The following UNC80 variants were observed in gnomAD, a reference collection of about 807,000 sequenced individuals.
UNC80 encodes unc-80 subunit of NALCN channel complex, also known as protein unc-80 homolog.
UNC80 carries 164 observed loss-of-function variants against 384.6 expected under a neutral mutation model. The ratio of observed to expected loss-of-function variants is 0.43; its 90% confidence interval spans 0.38 to 0.49. The LOEUF (loss-of-function observed/expected upper bound fraction) is 0.49, where lower values mean the gene tolerates loss of function less well. Among genes scored for constraint, UNC80 ranks in the 20% least tolerant of loss-of-function variants. UNC80 has a pLI of 0.00. For synonymous variants in UNC80, 1,486 were observed against 1,527.8 expected (o/e 0.97, Z 0.64); for missense variants, 3,330 against 4,143.0 (o/e 0.80, Z 5.39).
At chr2:209,916,109 C>A (rs865949106) in intron 31 of UNC80, among the ~76,000 whole-genome samples, 6 of 151,904 alleles carry the variant, frequency 3.9e-5, no homozygotes, top group Non-Finnish European at 8.8e-5. Context: ...GACACTGAAA[C>A]TAAAGAGGAA....
At chr2:209,902,631 A>G (rs773791323) in intron 28 of UNC80, among the ~76,000 whole-genome samples, 2 of 152,060 alleles carry the variant, frequency 1.3e-5, no homozygotes, top group Non-Finnish European at 2.9e-5. Context: ...CAATATCAAG[A>G]CCCTCCACCA....
At chr2:209,923,403 T>G (rs1309956365) in intron 35 of UNC80, among the ~76,000 whole-genome samples, 10 of 152,176 alleles carry the variant, frequency 6.6e-5, no homozygotes, top group Non-Finnish European at 1.3e-4. Flanking sequence ...TTAATATGTG[T>G]TATGTTATGA....
At chr2:209,951,318 G>C (rs1042624579) in intron 47 of UNC80, 1 of 149,472 alleles carries the variant, frequency 6.7e-6, no homozygotes, top group Non-Finnish European at 1.5e-5. Flanking sequence ...TCTCTTTTGA[G>C]ATGGAATCTC....
chr2:209,818,330 C>A (rs1206912828), intron 11 of UNC80, among the ~76,000 whole-genome samples: 1 of 148,246 alleles, frequency 6.7e-6, no homozygotes, highest in Non-Finnish European at 1.5e-5. Context: ...CCTTCCAAGG[C>A]CACCAATTTT....
chr2:209,855,773 G>A lies in UNC80; in HGVS notation c.3627+6150G>A, dbSNP rs567993426. On this transcript the variant is annotated intron_variant, in intron 22 of 64. Coordinates refer to ENST00000673920, the MANE Select transcript of UNC80 (RefSeq NM_001371986.1). ...AGTCATGCTATCCTCTTTCTTATTT[G>A]TTTAACATTATGTTTGAGTTCCTCC... 2.6e-5 allele frequency among the ~76,000 whole-genome samples: 4 copies of A among 152,020 alleles called. No individual in the cohort carries two copies. The East Asian group carries it at 5.8e-4, about 22-fold the overall frequency.
chr2:209,793,819 T>C lies in UNC80; in HGVS notation c.898T>C (p.Ser300Pro). ...AGGAAACTCCTTTGATGGAAGTCTG[T>C]CCTCCCAAACTTCCCAGGAAAGAGG... ...HRGNSFDGSL[S>P]SQTSQERGPS... is the part of the protein sequence containing the mutation. The change falls in exon 7 of 65, where the codon TCC (serine) becomes CCC (proline). Residue 300 changes from serine (S) to proline (P), a missense_variant. Around this residue, in one of 8 missense-constraint regions of UNC80, gnomAD observed 937 missense variants for 1,026.8 expected, o/e 0.91. Transcript: ENST00000673920. The C allele has an allele frequency of 6.2e-7, 1 of 1,614,102 alleles. No individual in the cohort carries two copies. Among genetic ancestry groups the C allele is most frequent in the Non-Finnish European group, 8.5e-7 (1 of 1,179,966 alleles).
chr2:209,916,636 T>A (rs1203978664), intron 31 of UNC80, among the ~76,000 whole-genome samples: 1 of 152,192 alleles, frequency 6.6e-6, no homozygotes, highest in African/African-American at 2.4e-5. Context: ...TAACTAGCAT[T>A]TGTTATAGAA....
chr2:209,778,240 T>C (rs1187183971), intron 4 of UNC80, among the ~76,000 whole-genome samples: 2 of 152,036 alleles, frequency 1.3e-5, no homozygotes, highest in Non-Finnish European at 2.9e-5. Context: ...CCATCTCTAA[T>C]GAAAATACAA....
chr2:209,979,383 T>G (rs1029108760), intron 59 of UNC80, among the ~76,000 whole-genome samples: 1 of 152,216 alleles, frequency 6.6e-6, no homozygotes, highest in Non-Finnish European at 1.5e-5. Context: ...CTGGACATCT[T>G]GCTTAGAGGG....
chr2:209,924,212 A>G (rs1180620089), intron 35 of UNC80, among the ~76,000 whole-genome samples: 1 of 152,144 alleles, frequency 6.6e-6, no homozygotes, highest in African/African-American at 2.4e-5. Flanking sequence ...GACAATTTAA[A>G]TTATATAATG....
intron 61 of UNC80, among the ~76,000 whole-genome samples, chr2:209,987,490 G>A (rs1214091853): frequency 1.3e-5 from 2 of 152,156 alleles, no homozygotes; most frequent in Non-Finnish European, 2.9e-5. Context: ...CATTGTAGAT[G>A]TTCCTTCTCT....
At chr2:209,948,329 A>G (rs1293015929) in intron 47 of UNC80, among the ~76,000 whole-genome samples, 4 of 152,126 alleles carry the variant, frequency 2.6e-5, no homozygotes, top group Non-Finnish European at 4.4e-5. Flanking sequence ...TGGCCTCATC[A>G]ACACTTGTTA....
chr2:209,831,522 C>T lies in UNC80; in HGVS notation c.2706C>T (p.Ser902=), dbSNP rs373135227. ...AAAATGTGGAAGGCATTATCGTCAG[C>T]GCCATGTTTAAATCCCTCATCACAC... ...TAQNVEGIIV[S]AMFKSLITRC... Residue 902 remains serine, a synonymous_variant, in exon 16 of 65, where the codon AGC becomes AGT. Transcript: ENST00000673920. 44 of 1,551,212 alleles carry T rather than the reference C, an allele frequency of 2.8e-5. No individual in the cohort carries two copies. Among genetic ancestry groups the T allele is most frequent in the South Asian group, 8.3e-5 (7 of 84,030 alleles).
chr2:209,854,901 A>G (rs145934147), intron 22 of UNC80, among the ~76,000 whole-genome samples: 1,966 of 152,284 alleles, frequency 0.013, 47 homozygotes, highest in African/African-American at 0.043. Flanking sequence ...TTCCTTAAAG[A>G]CCTGGAACCA....
rs144985129 is a variant in UNC80 at position 209,986,091 on chromosome 2, A to G, written c.9314+1179A>G. 5.8e-3 allele frequency among the ~76,000 whole-genome samples: 885 copies of G among 152,342 alleles called. 9 individuals carry two copies. Among genetic ancestry groups the G allele is most frequent in the African/African-American group, 0.02 (844 of 41,572 alleles). The stretch of plus-strand genomic sequence containing the variant: ...TCCATTAGCAGGAGCTTTGGGGGCA[A>G]GGAGGAAGTTGAGAAACAAAACAGT... On this transcript the variant is annotated intron_variant, in intron 61 of 64. Coordinates refer to ENST00000673920, the MANE Select transcript of UNC80 (RefSeq NM_001371986.1).
chr2:209,870,440 G>A (rs1283949759), intron 22 of UNC80, among the ~76,000 whole-genome samples: 4 of 152,088 alleles, frequency 2.6e-5, no homozygotes, highest in African/African-American at 9.7e-5. Flanking sequence ...ATACTGCTGG[G>A]TTTAATGCAG....
At chr2:209,871,108 T>C (rs974212124) in intron 22 of UNC80, among the ~76,000 whole-genome samples, 1 of 152,174 alleles carries the variant, frequency 6.6e-6, no homozygotes, top group Non-Finnish European at 1.5e-5. Flanking sequence ...AGATATCAAA[T>C]GGGGAAATGA....
chr2:209,948,549 T>C (rs949239195), intron 47 of UNC80, among the ~76,000 whole-genome samples: 2 of 152,196 alleles, frequency 1.3e-5, no homozygotes, highest in African/African-American at 4.8e-5. Context: ...TTTATATGTG[T>C]GATTTCTTAG....
chr2:209,933,785 T>C (rs1489853114), intron 38 of UNC80, 37 bp from the exon 39 acceptor site: 2 of 1,501,822 alleles, frequency 1.3e-6, no homozygotes, highest in Admixed American at 4.3e-5. Context: ...CTCGGGATTA[T>C]TGTAGCTTTG....
Sources: allele counts gnomAD v4.1 joint callset (sites outside exome capture counted in the v4.1 genomes callset), GRCh38; gene constraint gnomAD v4.1.1; regional missense constraint gnomAD v4.1.1; transcripts MANE v1.5; gene names NCBI Gene and HGNC (gene_info 2026-07-23, HGNC 2026-07-21).